Variants in DSE observed in about 807,000 individuals in gnomAD.
DSE encodes dermatan-sulfate epimerase.
DSE carries 36 observed loss-of-function variants against 84.4 expected under a neutral mutation model. The ratio of observed to expected loss-of-function variants is 0.43; its 90% CI spans 0.33 to 0.56. The LOEUF (loss-of-function observed/expected upper bound fraction) is 0.56, where lower values mean the gene tolerates loss of function less well. Among genes scored for constraint, DSE ranks in the 20% least tolerant of loss-of-function variants. The pLI is 0.06. For missense variants in DSE, 862 were observed against 1,169.6 expected, an observed-to-expected ratio of 0.74 and a Z score of 3.84; for synonymous variants, 410 against 430.1, an observed-to-expected ratio of 0.95 and a Z score of 0.58.
intron 2 of DSE, among the ~76,000 whole-genome samples, chr6:116,330,901 A>G (rs375513428): frequency 3.9e-5 from 6 of 152,364 alleles, no homozygotes; most frequent in Admixed American, 3.9e-4. Context: ...TCTTAATATT[A>G]GATAACCATA....
At chr6:116,425,844 G>A (rs545645220) in intron 2 of DSE, among the ~76,000 whole-genome samples, 5 of 152,102 alleles carry the variant, frequency 3.3e-5, no homozygotes, top group East Asian at 1.9e-4. Flanking sequence ...AGATGGTCTC[G>A]ATCTCCTGAC....
At chr6:116,278,214 A>G (rs753358871) in intron 2 of DSE, 2 of 376,896 alleles carry the variant, frequency 5.3e-6, no homozygotes, top group Non-Finnish European at 1.0e-5. Flanking sequence ...ACAGGGTCCA[A>G]GCAGTGCAGA....
At chr6:116,306,529 G>A (rs1370202038) in intron 2 of DSE, among the ~76,000 whole-genome samples, 1 of 151,980 alleles carries the variant, frequency 6.6e-6, no homozygotes, top group Non-Finnish European at 1.5e-5. Flanking sequence ...CTGTGTTTTT[G>A]TTCCTGCTGT....
At chr6:116,291,851 A>G (rs1351198851) in intron 2 of DSE, among the ~76,000 whole-genome samples, 1 of 152,208 alleles carries the variant, frequency 6.6e-6, no homozygotes, top group Non-Finnish European at 1.5e-5. Context: ...GAAAAACTAG[A>G]TATGAAAGTA....
intron 2 of DSE, among the ~76,000 whole-genome samples, chr6:116,263,329 G>A (rs1258663415): frequency 6.6e-6 from 1 of 151,602 alleles, no homozygotes; most frequent in Non-Finnish European, 1.5e-5. Flanking sequence ...TTATTGAACT[G>A]AATACTGTTT....
chr6:116,260,186 T>G (rs1281145826), intron 2 of DSE, among the ~76,000 whole-genome samples: 2 of 152,236 alleles, frequency 1.3e-5, no homozygotes, highest in African/African-American at 4.8e-5. Context: ...TTCTGACTGG[T>G]ATGAGATAGT....
chr6:116,299,523 T>C (rs375788600), intron 2 of DSE, among the ~76,000 whole-genome samples: 1 of 27,696 alleles, frequency 3.6e-5, no homozygotes, highest in Non-Finnish European at 5.3e-5. Context: ...TATATATATA[T>C]ATATATATAT....
At chr6:116,327,079 A>G (rs1776666880) in intron 2 of DSE, among the ~76,000 whole-genome samples, 2 of 152,186 alleles carry the variant, frequency 1.3e-5, no homozygotes. Context: ...TTTCTCCTAG[A>G]GGGAAATTAA....
intron 2 of DSE, among the ~76,000 whole-genome samples, chr6:116,327,972 C>G (rs1237786250): frequency 6.6e-6 from 1 of 152,148 alleles, no homozygotes; most frequent in Admixed American, 6.5e-5. Flanking sequence ...ACATCAAAGC[C>G]AAAAGCACAG....
upstream of DSE, chr6:116,370,585 C>G: frequency 1.1e-6 from 1 of 891,686 alleles, no homozygotes. Context: ...CAAAAGTTAC[C>G]TTTCCTTTGG....
intron 1 of DSE, among the ~76,000 whole-genome samples, chr6:116,374,209 G>A (rs1192908122): frequency 6.6e-6 from 1 of 152,144 alleles, no homozygotes; most frequent in Non-Finnish European, 1.5e-5. Flanking sequence ...TGTGGTTGTA[G>A]CATATATTAA....
intron 2 of DSE, among the ~76,000 whole-genome samples, chr6:116,340,235 C>T (rs1554214807): frequency 2.0e-5 from 3 of 152,108 alleles, no homozygotes; most frequent in Non-Finnish European, 2.9e-5. Flanking sequence ...CCTTCTCTCT[C>T]TTGTTTCCTT....
chr6:116,413,263 T>A (rs1782498172), intron 2 of DSE, among the ~76,000 whole-genome samples: 1 of 152,232 alleles, frequency 6.6e-6, no homozygotes, highest in African/African-American at 2.4e-5. Flanking sequence ...TCATTTTCTA[T>A]TTCATTCCGT....
intron 1 of DSE, among the ~76,000 whole-genome samples, chr6:116,372,772 T>A (rs1403544566): frequency 2.0e-5 from 3 of 152,110 alleles, no homozygotes; most frequent in African/African-American, 7.2e-5. Flanking sequence ...GACCCGTCTG[T>A]GTGGGTTCAG....
rs908352828 is a variant in DSE at position 116,397,011 on chromosome 6, T to C, written c.-53-2187T>C. Among the ~76,000 whole-genome samples the C allele has an allele frequency of 2.0e-5, 3 of 152,060 alleles. No individual in the cohort carries two copies. In the East Asian group the frequency reaches 5.8e-4, roughly 29 times the overall value. On this transcript the variant is annotated intron_variant, in intron 1 of 5. Transcript: ENST00000644252. ...CCTATCCACCTGAGCTCCCACACAT[T>C]CAAAAGCTGGTAGTTGAGGGATCTT... is the stretch of plus-strand genomic sequence containing the variant.
Position 116,437,416 on chromosome 6 carries a change from C to T in DSE, c.*71C>T. 3.7e-6 allele frequency: 5 copies of T among 1,350,474 alleles called. No homozygotes were observed. The highest frequency in any genetic ancestry group is 3.9e-6 in the Non-Finnish European group (4 of 1,017,828). The allele number at this position is 1,350,474 out of a possible 1,614,324, so 83.7% of individuals were successfully genotyped here. On this transcript the variant is annotated 3_prime_UTR_variant, in exon 6 of 6. Transcript: ENST00000644252. ...TATGCAAAAAAAAAAATTTCTTTACCCCAGATTATCAGATTTTTTTCCCTC... is the reference window on the plus strand; with the variant it reads ...TATGCAAAAAAAAAAATTTCTTTACTCCAGATTATCAGATTTTTTTCCCTC...
chr6:116,404,114 T>C (rs780113035), intron 2 of DSE, among the ~76,000 whole-genome samples: 1 of 152,150 alleles, frequency 6.6e-6, no homozygotes, highest in African/African-American at 2.4e-5. Context: ...CCCTATACCT[T>C]ATGAATCTTA....
intron 4 of DSE, among the ~76,000 whole-genome samples, chr6:116,431,969 A>G (rs1407735527): frequency 6.6e-6 from 1 of 152,230 alleles, no homozygotes; most frequent in African/African-American, 2.4e-5. Flanking sequence ...ACAACAAATA[A>G]TATAGTATTT....
intron 2 of DSE, among the ~76,000 whole-genome samples, chr6:116,416,811 A>G (rs947552698): frequency 2.0e-5 from 3 of 152,076 alleles, no homozygotes; most frequent in South Asian, 4.2e-4. Context: ...GGATGCTTGC[A>G]TAGACATTGA....
Sources: allele counts gnomAD v4.1 joint callset (sites outside exome capture counted in the v4.1 genomes callset), GRCh38; gene constraint gnomAD v4.1.1; transcripts MANE v1.5; gene names NCBI Gene and HGNC (gene_info 2026-07-23, HGNC 2026-07-21).